The following LTF variants were observed in gnomAD, a reference collection of about 807,000 sequenced individuals.
LTF encodes the protein epididymis luminal protein 110.
In LTF, 91 loss-of-function variants were observed where a neutral mutation model predicts 87.2. That is an observed-to-expected ratio of 1.04 (90% confidence interval 0.88 to 1.24). LTF has a LOEUF of 1.24. Among genes scored for constraint, LTF ranks in the 50% most tolerant of loss-of-function variants. The probability of loss-of-function intolerance (pLI) is 0.00; values close to 1 mark genes in which losing one functional copy is unlikely to be tolerated. For missense variants in LTF, 901 were observed against 904.3 expected (o/e 1.00, Z 0.05); for synonymous variants, 378 against 356.1 (o/e 1.06, Z -0.69).
At chr3:46,443,658 C>G (rs1702577616) in intron 12 of LTF, 76 bp from the exon 13 acceptor site, 1 of 1,501,964 alleles carries the variant, frequency 6.7e-7, no homozygotes, top group African/African-American at 1.4e-5. Flanking sequence ...ACAGCCGATG[C>G]AGGGTGGTTT....
At chr3:46,463,007 C>A (rs1263463435) in intron 1 of LTF, among the ~76,000 whole-genome samples, 1 of 152,122 alleles carries the variant, frequency 6.6e-6, no homozygotes, top group Non-Finnish European at 1.5e-5. Context: ...GATTCCCAGT[C>A]CCCAGCCCCC....
chr3:46,442,120 G>A (rs1271922853), intron 13 of LTF, among the ~76,000 whole-genome samples: 1 of 152,030 alleles, frequency 6.6e-6, no homozygotes, highest in African/African-American at 2.4e-5. Flanking sequence ...CAAAAAGTTT[G>A]TACAATAAGG....
chr3:46,441,934 A>AGAGAGAGAGAGT (rs1456655226), intron 13 of LTF: 1 of 59,002 alleles, frequency 1.7e-5, no homozygotes, highest in Non-Finnish European at 3.4e-5. Context: ...AGAGAGAGAG[A>AGAGAGAGAGAGT]GTGTGTGTGT....
intron 6 of LTF, 146 bp from the exon 7 acceptor site, chr3:46,450,819 A>T (rs1384799057): frequency 5.9e-6 from 4 of 680,774 alleles, no homozygotes; most frequent in Non-Finnish European, 1.0e-5. Flanking sequence ...GGTTTGCTCC[A>T]GAACACTCAG....
chr3:46,458,435 G>T (rs1435192671), intron 2 of LTF, among the ~76,000 whole-genome samples: 2 of 152,208 alleles, frequency 1.3e-5, no homozygotes, highest in African/African-American at 4.8e-5. Context: ...CGTTCAGCGT[G>T]GTATGGCCTT....
Position 46,450,565 on chromosome 3 carries a change from G to A in LTF, c.812C>T (p.Ser271Phe). 1 of 1,614,184 alleles carries A rather than the reference G, an allele frequency of 6.2e-7. No homozygotes were observed. The highest frequency in any genetic ancestry group is 8.5e-7 in the Non-Finnish European group (1 of 1,180,040). The part of the protein sequence containing the change: ...FKDCHLARVP[S>F]HAVVARSVNG... The stretch of plus-strand genomic sequence containing the variant: ...CACACTTCGTGCCACAACGGCATGA[G>A]AAGGGACCCGGGCCAGATGGCAGTC... Residue 271 changes from serine (S) to phenylalanine (F), a missense_variant, in exon 7 of 17, where the codon TCT (serine) becomes TTT (phenylalanine). Coordinates refer to ENST00000231751, the MANE Select transcript of LTF (RefSeq NM_002343.6).
intron 1 of LTF, among the ~76,000 whole-genome samples, chr3:46,479,691 T>C (rs1173119263): frequency 6.6e-6 from 1 of 152,084 alleles, no homozygotes; most frequent in East Asian, 1.9e-4. Context: ...CCCTGGCTAA[T>C]TTTTGTATTT....
intron 2 of LTF, among the ~76,000 whole-genome samples, chr3:46,470,154 T>A (rs55950019): frequency 0.31 from 47,800 of 152,150 alleles, 9,146 homozygotes; most frequent in East Asian, 0.5. Context: ...CTGGCCGGGA[T>A]AGCACCCCAA....
At chr3:46,445,553 T>C (rs1182827700) in intron 11 of LTF, 117 bp from the exon 12 acceptor site, 1 of 816,946 alleles carries the variant, frequency 1.2e-6, no homozygotes. Context: ...CACCAGGCAA[T>C]GATTCCCTCA....
At chr3:46,463,355 A>T in intron 1 of LTF, 1 of 591,756 alleles carries the variant, frequency 1.7e-6, no homozygotes, top group Non-Finnish European at 2.1e-6. Flanking sequence ...AAACCTCATG[A>T]GTGCCTCCCA....
At chr3:46,480,680 C>A (rs1703420556) in intron 1 of LTF, among the ~76,000 whole-genome samples, 2 of 152,132 alleles carry the variant, frequency 1.3e-5, no homozygotes, top group Non-Finnish European at 1.5e-5. Context: ...CATTCACGGG[C>A]CTCAAAAGGG....
chr3:46,445,323 G>A lies in LTF; in HGVS notation c.1471C>T (p.Pro491Ser), dbSNP rs760857395. 2 of 1,613,666 alleles carry A rather than the reference G, an allele frequency of 1.2e-6. No homozygotes were observed. The highest frequency in any genetic ancestry group is 3.3e-5 in the Admixed American group (2 of 59,956). The change falls in exon 12 of 17, where the codon CCC becomes TCC. Residue 491 changes from proline (P) to serine (S), a missense_variant. Coordinates refer to ENST00000231751, the MANE Select transcript of LTF (RefSeq NM_002343.6). ...GTCTGGTTGAAGAGCAGGCCCATGGGGATATTCCAGCCTGCAGTCCTGTCC... is the reference window on the plus strand; with the variant it reads ...GTCTGGTTGAAGAGCAGGCCCATGGAGATATTCCAGCCTGCAGTCCTGTCC... ...AVDRTAGWNI[P>S]MGLLFNQTGS...
In LTF at chr3:46,445,295, C is replaced by G. The variant is rs781138813; in HGVS notation, c.1499G>C (p.Gly500Ala). Reference sequence around the variant, plus strand: ...GAACTCCTTACCAAATTTGCAGGAGCCCGTCTGGTTGAAGAGCAGGCCCAT... The same window carrying G: ...GAACTCCTTACCAAATTTGCAGGAGGCCGTCTGGTTGAAGAGCAGGCCCAT... The part of the protein sequence containing the change: ...IPMGLLFNQT[G>A]SCKFDEYFSQ... Residue 500 changes from glycine to alanine, a missense_variant, in exon 12 of 17, where the codon GGC becomes GCC. Gly to Ala is a moderately conservative substitution (Grantham distance 60). Transcript: ENST00000231751. The G allele has an allele frequency of 1.9e-6, 3 of 1,609,278 alleles. No homozygotes were observed. The East Asian group carries it at 6.7e-5, about 36-fold the overall frequency.
At chr3:46,465,336 C>T (rs1435836963), upstream of LTF, among the ~76,000 whole-genome samples, 2 of 152,168 alleles carry the variant, frequency 1.3e-5, no homozygotes, top group African/African-American at 2.4e-5. Flanking sequence ...TTGCTTTCAC[C>T]TTGGCTCAGC....
At chr3:46,447,618 C>T (rs554698443) in intron 9 of LTF, among the ~76,000 whole-genome samples, 1 of 152,338 alleles carries the variant, frequency 6.6e-6, no homozygotes, top group African/African-American at 2.4e-5. Flanking sequence ...CTGGAAAGAC[C>T]AGGCACAGGT....
intron 6 of LTF, among the ~76,000 whole-genome samples, chr3:46,451,590 G>A (rs771724900): frequency 1.3e-5 from 2 of 152,012 alleles, no homozygotes; most frequent in Middle Eastern, 3.4e-3. Flanking sequence ...AGATAGAATC[G>A]GTAAAGTTTT....
chr3:46,478,429 G>A (rs1703391052), intron 1 of LTF, among the ~76,000 whole-genome samples: 2 of 152,194 alleles, frequency 1.3e-5, no homozygotes, highest in Non-Finnish European at 2.9e-5. Flanking sequence ...GGTGACAAAG[G>A]GCAGGTGACA....
At chr3:46,467,119 G>C (rs907395035), upstream of LTF, among the ~76,000 whole-genome samples, 2 of 152,200 alleles carry the variant, frequency 1.3e-5, no homozygotes, top group Admixed American at 6.5e-5. Flanking sequence ...CTGGACACAG[G>C]CAGAGCAGCC....
rs190131156 is a variant in LTF, at chr3:46,457,583, C to T, written c.208-1185G>A. Among the ~76,000 whole-genome samples the T allele has an allele frequency of 3.9e-3, 601 of 152,294 alleles. 5 individuals are homozygous for T. Among genetic ancestry groups the T allele is most frequent in the African/African-American group, 0.014 (580 of 41,554 alleles). ...GCTGACCGTGAGGACCAGCTTCACTCTTGAATCACCAGCAGGGCAGGCTAT... is the reference window on the plus strand; with the variant it reads ...GCTGACCGTGAGGACCAGCTTCACTTTTGAATCACCAGCAGGGCAGGCTAT... On this transcript the variant is annotated intron_variant, in intron 2 of 16. Transcript: ENST00000231751.
Sources: gnomAD v4.1 joint callset for allele counts (sites outside exome capture counted in the v4.1 genomes callset) on GRCh38, gnomAD v4.1.1 for gene constraint, MANE v1.5 for transcripts, NCBI Gene and HGNC (gene_info 2026-07-23, HGNC 2026-07-21) for gene names.